The following HSPA12A variants were observed in gnomAD, a reference collection of about 807,000 sequenced individuals.
HSPA12A encodes heat shock 70 kDa protein 12A.
HSPA12A carries 28 observed loss-of-function variants against 69.2 expected under a neutral mutation model. That is an observed-to-expected ratio of 0.40 (90% CI 0.30 to 0.55). HSPA12A has a LOEUF of 0.55. Among genes scored for constraint, HSPA12A ranks in the 20% least tolerant of loss-of-function variants. The pLI, the probability that HSPA12A is intolerant of heterozygous loss-of-function variation, is 0.38. For synonymous variants in HSPA12A, 345 were observed against 370.5 expected, an observed-to-expected ratio of 0.93 and a Z score of 0.79; for missense variants, 686 against 900.7, an observed-to-expected ratio of 0.76 and a Z score of 3.05.
chr10:116,702,580 G>A (rs1486304921), intron 3 of HSPA12A, among the ~76,000 whole-genome samples: 2 of 152,224 alleles, frequency 1.3e-5, no homozygotes, highest in South Asian at 2.1e-4. Flanking sequence ...CAAAGTCCCC[G>A]AGGTGACCGC....
In HSPA12A at chr10:116,819,501, G is replaced by A. The variant is rs978311534; in HGVS notation, c.91+15434C>T. Among the ~76,000 whole-genome samples, 3 of 152,294 alleles carry A rather than the reference G, an allele frequency of 2.0e-5. No homozygotes were observed. In the East Asian group the frequency reaches 5.8e-4, roughly 29 times the overall value. On this transcript the variant is annotated intron_variant, in intron 2 of 12. Coordinates refer to the HSPA12A transcript ENST00000635765. ...ATGGGATTAGTGCCCTTATAAAAGAGAGCTGACGGAGCTTGTTCATGTGAG... is the reference window on the plus strand; with the variant it reads ...ATGGGATTAGTGCCCTTATAAAAGAAAGCTGACGGAGCTTGTTCATGTGAG...
At chr10:116,756,961 T>C (rs1843863359) in intron 2 of HSPA12A, among the ~76,000 whole-genome samples, 1 of 152,204 alleles carries the variant, frequency 6.6e-6, no homozygotes, top group African/African-American at 2.4e-5. Flanking sequence ...ATGGCGTATG[T>C]AACTCATTGT....
At chr10:116,849,108 G>A (rs761075402) in intron 1 of HSPA12A, among the ~76,000 whole-genome samples, 21 of 152,174 alleles carry the variant, frequency 1.4e-4, no homozygotes, top group Non-Finnish European at 2.5e-4. Flanking sequence ...TTAGCAACCC[G>A]GAGGAGCTCA....
intron 8 of HSPA12A, 90 bp downstream of exon 8, chr10:116,681,701 T>G: frequency 8.4e-7 from 1 of 1,185,508 alleles, no homozygotes. Context: ...TTGAACATTT[T>G]CCAAAAGTGC....
intron 1 of HSPA12A, among the ~76,000 whole-genome samples, chr10:116,725,005 A>C (rs1349608507): frequency 6.6e-6 from 1 of 152,196 alleles, no homozygotes; most frequent in Admixed American, 6.5e-5. Context: ...GAGGAACCAG[A>C]AGCTCTGGAG....
chr10:116,790,335 C>T (rs1327476108), intron 2 of HSPA12A, among the ~76,000 whole-genome samples: 3 of 151,864 alleles, frequency 2.0e-5, no homozygotes, highest in Admixed American at 6.6e-5. Flanking sequence ...TATCTCCTGA[C>T]CTCGTGATCC....
intron 1 of HSPA12A, among the ~76,000 whole-genome samples, chr10:116,846,632 G>A (rs572058679): frequency 6.6e-6 from 1 of 152,300 alleles, no homozygotes; most frequent in South Asian, 2.1e-4. Flanking sequence ...ACAGGCGTGA[G>A]CCACCGTGCC....
intron 6 of HSPA12A, 32 bp downstream of exon 6, chr10:116,692,319 C>A: frequency 6.4e-7 from 1 of 1,564,670 alleles, no homozygotes; most frequent in African/African-American, 1.3e-5. Context: ...TCCTTCTCCT[C>A]CGGCTTCCAC....
chr10:116,785,787 A>C (rs998900615), intron 2 of HSPA12A, among the ~76,000 whole-genome samples: 6 of 151,962 alleles, frequency 3.9e-5, no homozygotes, highest in Non-Finnish European at 5.9e-5. Flanking sequence ...CGGTTATCCC[A>C]GCCAGAAGCC....
intron 2 of HSPA12A, among the ~76,000 whole-genome samples, chr10:116,788,202 C>T (rs1174031180): frequency 6.6e-6 from 1 of 152,166 alleles, no homozygotes; most frequent in Non-Finnish European, 1.5e-5. Context: ...CCGCAAACGG[C>T]GGGAGGCGGC....
At chr10:116,772,516 G>A (rs1651540386) in intron 2 of HSPA12A, among the ~76,000 whole-genome samples, 1 of 152,172 alleles carries the variant, frequency 6.6e-6, no homozygotes, top group Non-Finnish European at 1.5e-5. Context: ...TGCAGATGCT[G>A]AAACTGAGAC....
chr10:116,752,094 TAAG>T (rs1851789145), intron 2 of HSPA12A, among the ~76,000 whole-genome samples: 2 of 152,166 alleles, frequency 1.3e-5, no homozygotes, highest in African/African-American at 4.8e-5. Context: ...GTTCTCCCTC[TAAG>T]AAGTCCACAC....
rs1230745429 is a variant in HSPA12A at position 116,679,391 on chromosome 10, A to T, written c.1286+112T>A. 7 of 1,332,512 alleles carry T rather than the reference A, an allele frequency of 5.3e-6. No homozygotes were observed. The Admixed American group carries it at 1.4e-4, about 28-fold the overall frequency. The allele number at this position is 1,332,512 out of a possible 1,614,324, so 82.5% of individuals were successfully genotyped here. ...GAAGTTGAGTCCCTTGCCCAAGGTCATACAGCAAGTGTGTAGGATTGGAAC... is the reference window on the plus strand; with the variant it reads ...GAAGTTGAGTCCCTTGCCCAAGGTCTTACAGCAAGTGTGTAGGATTGGAAC... On this transcript the variant is annotated intron_variant, in intron 10 of 11. Coordinates refer to ENST00000369209, the MANE Select transcript of HSPA12A (RefSeq NM_025015.3).
chr10:116,808,407 A>C (rs1276994091), intron 2 of HSPA12A, among the ~76,000 whole-genome samples: 1 of 152,050 alleles, frequency 6.6e-6, no homozygotes, highest in Non-Finnish European at 1.5e-5. Context: ...GCCCCAAGAA[A>C]TCCTCAGTAA....
At chr10:116,838,982 C>T (rs898590257) in intron 1 of HSPA12A, among the ~76,000 whole-genome samples, 47 of 152,312 alleles carry the variant, frequency 3.1e-4, no homozygotes, top group Non-Finnish European at 4.0e-4. Flanking sequence ...TTACATTTGT[C>T]ACCAATATGT....
chr10:116,711,464 C>G (rs1466274280), intron 1 of HSPA12A, among the ~76,000 whole-genome samples: 2 of 152,092 alleles, frequency 1.3e-5, no homozygotes, highest in Non-Finnish European at 2.9e-5. Flanking sequence ...AATGCTCTAT[C>G]AAGAAATGTG....
chr10:116,682,139 C>T (rs1384514514), intron 7 of HSPA12A, among the ~76,000 whole-genome samples: 1 of 152,182 alleles, frequency 6.6e-6, no homozygotes, highest in Non-Finnish European at 1.5e-5. Flanking sequence ...CACAACAACC[C>T]TTGGAATTAG....
chr10:116,827,723 G>A (rs918877673), intron 2 of HSPA12A, among the ~76,000 whole-genome samples: 6 of 152,176 alleles, frequency 3.9e-5, no homozygotes, highest in Admixed American at 2.6e-4. Flanking sequence ...GAAGTGCTCC[G>A]AACTGCCCCT....
chr10:116,789,715 T>C (rs575454000), intron 2 of HSPA12A, among the ~76,000 whole-genome samples: 2 of 152,286 alleles, frequency 1.3e-5, no homozygotes, highest in South Asian at 4.1e-4. Flanking sequence ...ATATTGACTA[T>C]CAACACGTCG....
Sources: gnomAD v4.1 joint callset for allele counts (sites outside exome capture counted in the v4.1 genomes callset) on GRCh38, gnomAD v4.1.1 for gene constraint, MANE v1.5 for transcripts, NCBI Gene and HGNC (gene_info 2026-07-23, HGNC 2026-07-21) for gene names.